RNF224: variants seen among roughly 807,000 people sequenced by gnomAD.
RNF224 encodes ring finger protein 224.
RNF224 carries 1 observed loss-of-function variant against 2.9 expected under a neutral mutation model. The ratio of observed to expected loss-of-function variants is 0.35; its 90% CI spans 0.12 to 1.66. The LOEUF is 1.66. Ranked by LOEUF, RNF224 falls within the 40% of genes most tolerant of loss-of-function variation. The pLI is 0.35. For missense variants in RNF224, 254 were observed against 221.8 expected (o/e 1.15, Z -0.92); for synonymous variants, 116 against 97.6 (o/e 1.19, Z -1.11).
At position 137,228,659 on chromosome 9, in the gene RNF224, G is replaced by GGGGGCCCCCGGAGGAGA; in HGVS notation, c.47_63dup (p.Thr22GlyfsTer69). 1 of 1,459,844 alleles carries GGGGGCCCCCGGAGGAGA rather than the reference G, an allele frequency of 6.9e-7. No homozygotes were observed. The highest frequency in any genetic ancestry group is 9.0e-7 in the Non-Finnish European group (1 of 1,106,370). The allele number at this position is 1,459,844 out of a possible 1,614,324, so 90.4% of individuals were successfully genotyped here. ...GGAGGGCCCCCAGGCCTCGGAGGAGGGGGGCCCCCGGAGGAGAGGACAGAC... is the reference window on the plus strand; with the variant it reads ...GGAGGGCCCCCAGGCCTCGGAGGAGGGGGGCCCCCGGAGGAGAGGGGCCCCCGGAGGAGAGGACAGAC... On this transcript the variant is annotated frameshift_variant, in exon 3 of 3. Transcript: ENST00000445101. LOFTEE classifies it low-confidence loss of function (END_TRUNC).
Position 137,228,219 on chromosome 9 carries a change from T to G in RNF224, c.-117T>G, listed in dbSNP as rs866706731. 12 of 1,040,172 alleles carry G rather than the reference T, an allele frequency of 1.2e-5. No individual in the cohort carries two copies. In the South Asian group the frequency reaches 1.7e-4, roughly 15 times the overall value. 64.4% of individuals were successfully genotyped at this position (1,040,172 alleles called of 1,614,324 possible). A position where few individuals can be genotyped will look rare whatever the true frequency, so the allele number is the denominator to read the frequency against. On this transcript the variant is annotated 5_prime_UTR_variant, in exon 2 of 3. Transcript: ENST00000445101. ...CGCCACAGCTGGCCACCTGCCTCTCTCCTGACTCCCGTGCAAGGCCAGTAA... is the reference window on the plus strand; with the variant it reads ...CGCCACAGCTGGCCACCTGCCTCTCGCCTGACTCCCGTGCAAGGCCAGTAA...
Position 137,228,880 on chromosome 9 carries a change from G to C in RNF224, c.265G>C (p.Ala89Pro), listed in dbSNP as rs1836050279. 7 of 1,535,760 alleles carry C rather than the reference G, an allele frequency of 4.6e-6. No homozygotes were observed. In the East Asian group the frequency reaches 1.7e-4, roughly 38 times the overall value. ...GGTGGCCATGCTAGACCTGGACCTGGCTGCTTTCCTGGCGGTCAAGGCTGA... is the reference window on the plus strand; with the variant it reads ...GGTGGCCATGCTAGACCTGGACCTGCCTGCTTTCCTGGCGGTCAAGGCTGA... ...GGVAMLDLDL[A>P]AFLAVKAERE... Residue 89 changes from alanine (A) to proline (P), a missense_variant, in exon 3 of 3, where the codon GCT becomes CCT. Coordinates refer to ENST00000445101, the MANE Select transcript of RNF224 (RefSeq NM_001190228.2).
rs1836075207 is a variant in RNF224, at chr9:137,229,445, T to TC, written c.*362dup. ...TGGCTCCCAAGAGGATGCGAAGGCG[T>TC]CCCGGGGGCCTGGGCTGCAGGCTGG... On this transcript the variant is annotated 3_prime_UTR_variant, in exon 3 of 3. Coordinates refer to ENST00000445101, the MANE Select transcript of RNF224 (RefSeq NM_001190228.2). 3.6e-6 allele frequency: 1 copy of TC among 275,094 alleles called. No individual in the cohort carries two copies. Among genetic ancestry groups the TC allele is most frequent in the South Asian group, 5.3e-5 (1 of 18,988 alleles). 17.0% of individuals were successfully genotyped at this position (275,094 alleles called of 1,614,324 possible). A position where few individuals can be genotyped will look rare whatever the true frequency, so the allele number is the denominator to read the frequency against.
In RNF224 at chr9:137,228,236, G is replaced by A. The variant is rs933202156; in HGVS notation, c.-100G>A. The A allele has an allele frequency of 2.4e-6, 3 of 1,229,042 alleles. No individual in the cohort carries two copies. The highest frequency in any genetic ancestry group is 2.1e-5 in the Admixed American group (1 of 48,202). The allele number at this position is 1,229,042 out of a possible 1,614,324, so 76.1% of individuals were successfully genotyped here. Reference sequence around the variant, plus strand: ...TGCCTCTCTCCTGACTCCCGTGCAAGGCCAGTAATGCAACCCAGGAGGGAG... The same window carrying A: ...TGCCTCTCTCCTGACTCCCGTGCAAAGCCAGTAATGCAACCCAGGAGGGAG... On this transcript the variant is annotated 5_prime_UTR_variant, in exon 2 of 3. Transcript: ENST00000445101.
At position 137,229,152 on chromosome 9, in the gene RNF224, T is replaced by G; in HGVS notation, c.*66T>G. 2.1e-6 allele frequency: 2 copies of G among 954,492 alleles called. No individual in the cohort carries two copies. The highest frequency in any genetic ancestry group is 3.1e-6 in the Non-Finnish European group (2 of 636,064). 59.1% of individuals were successfully genotyped at this position (954,492 alleles called of 1,614,324 possible). The stretch of plus-strand genomic sequence containing the variant: ...TGGAACCCCTGACCACACACCATCA[T>G]GGGTTCAGCCCACTCAGAACAACCT... On this transcript the variant is annotated 3_prime_UTR_variant, in exon 3 of 3. Transcript: ENST00000445101.
In RNF224 at chr9:137,229,014, CCCCCAGCCCAGA is replaced by C; in HGVS notation, c.400_411del (p.Pro134_Arg137del). 1 of 1,535,140 alleles carries C rather than the reference CCCCCAGCCCAGA, an allele frequency of 6.5e-7. No individual in the cohort carries two copies. The highest frequency in any genetic ancestry group is 8.7e-7 in the Non-Finnish European group (1 of 1,146,346). On this transcript the variant is annotated inframe_deletion, in exon 3 of 3. Transcript: ENST00000445101. Reference sequence around the variant, plus strand: ...CTGCCCTGGGACCCCAGCCCCACTTCCCCCAGCCCAGATACTGCTGCTGGGGCTGTGGCAGCC... The same window carrying C: ...CTGCCCTGGGACCCCAGCCCCACTTCTACTGCTGCTGGGGCTGTGGCAGCC...
In RNF224 at chr9:137,228,697, T is replaced by C. The variant is rs1332640531; in HGVS notation, c.82T>C (p.Cys28Arg). 1 of 1,515,064 alleles carries C rather than the reference T, an allele frequency of 6.6e-7. No individual in the cohort carries two copies. The highest frequency in any genetic ancestry group is 8.8e-7 in the Non-Finnish European group (1 of 1,133,634). 93.9% of individuals were successfully genotyped at this position (1,515,064 alleles called of 1,614,324 possible). The change falls in exon 3 of 3, where the codon TGC becomes CGC. Residue 28 changes from cysteine to arginine, a missense_variant. Transcript: ENST00000445101. ...PEERTDCIIC[C>R]SAYDLSGHLP... Reference sequence around the variant, plus strand: ...GGAGAGGACAGACTGCATCATCTGCTGCTCGGCCTATGACCTCTCCGGGCA... The same window carrying C: ...GGAGAGGACAGACTGCATCATCTGCCGCTCGGCCTATGACCTCTCCGGGCA...
rs939044324 is a variant in RNF224, at chr9:137,229,295, G to A, written c.*209G>A. On this transcript the variant is annotated 3_prime_UTR_variant, in exon 3 of 3. Transcript: ENST00000445101. ...CTGGGAGGCTCCGCAGGAGGCTGGTGACCTCCCACCTGTCCTGGCCACAAT... is the reference window on the plus strand; with the variant it reads ...CTGGGAGGCTCCGCAGGAGGCTGGTAACCTCCCACCTGTCCTGGCCACAAT... The A allele has an allele frequency of 1.7e-6, 1 of 589,498 alleles. No individual in the cohort carries two copies. The highest frequency in any genetic ancestry group is 3.0e-5 in the Admixed American group (1 of 33,532). The allele number at this position is 589,498 out of a possible 1,614,324, so 36.5% of individuals were successfully genotyped here.
Position 137,228,225 on chromosome 9 carries a change from C to T in RNF224, c.-111C>T, listed in dbSNP as rs908994152. The T allele has an allele frequency of 3.6e-6, 4 of 1,101,420 alleles. No individual in the cohort carries two copies. Among genetic ancestry groups the T allele is most frequent in the Middle Eastern group, 2.0e-4 (1 of 5,118 alleles). 68.2% of individuals were successfully genotyped at this position (1,101,420 alleles called of 1,614,324 possible). A position where few individuals can be genotyped will look rare whatever the true frequency, so the allele number is the denominator to read the frequency against. On this transcript the variant is annotated 5_prime_UTR_variant, in exon 2 of 3. Transcript: ENST00000445101. ...AGCTGGCCACCTGCCTCTCTCCTGA[C>T]TCCCGTGCAAGGCCAGTAATGCAAC...
chr9:137,229,635 T>G lies in RNF224; in HGVS notation c.*549T>G. On this transcript the variant is annotated 3_prime_UTR_variant, in exon 3 of 3. Transcript: ENST00000445101. Reference sequence around the variant, plus strand: ...CACCCACTCAACAAAGCTCATGGAGTTCCCACTGTGTGTCGGGTGCGGTTC... The same window carrying G: ...CACCCACTCAACAAAGCTCATGGAGGTCCCACTGTGTGTCGGGTGCGGTTC... 6.3e-6 allele frequency: 1 copy of G among 158,284 alleles called. No homozygotes were observed. The highest frequency in any genetic ancestry group is 1.4e-5 in the Non-Finnish European group (1 of 71,356). The allele number at this position is 158,284 out of a possible 1,614,324, so 9.8% of individuals were successfully genotyped here. A position where few individuals can be genotyped will look rare whatever the true frequency, so the allele number is the denominator to read the frequency against.
In RNF224 at chr9:137,228,802, C is replaced by T. The variant is rs1252343966; in HGVS notation, c.187C>T (p.Arg63Cys). ...RRLDTPAPEQ[R>C]WIPCPQCRQS... ...GCTGGACACACCGGCGCCCGAGCAG[C>T]GCTGGATCCCCTGTCCGCAGTGCCG... Residue 63 changes from arginine (R) to cysteine (C), a missense_variant, in exon 3 of 3, where the codon CGC becomes TGC. Arg to Cys is a radical substitution (Grantham distance 180). Transcript: ENST00000445101. 76 of 1,534,486 alleles carry T rather than the reference C, an allele frequency of 5.0e-5. No homozygotes were observed. Among genetic ancestry groups the T allele is most frequent in the Non-Finnish European group, 6.1e-5 (70 of 1,146,446 alleles).
rs562531003 is a variant in RNF224, at chr9:137,228,340, A to G, written c.5A>G (p.Gln2Arg). The change falls in exon 2 of 3, where the codon CAG becomes CGG. Residue 2 changes from glutamine to arginine, a missense_variant and splice_region_variant. Transcript: ENST00000445101. ...CATAGCTGCCCAGCAGAGCCCATGC[A>G]GGTAAGAGGCCTGGGCTCAGGTCGG... is the stretch of plus-strand genomic sequence containing the variant. M[Q>R]DAAAGGPPGL... 10 of 1,500,326 alleles carry G rather than the reference A, an allele frequency of 6.7e-6. No individual in the cohort carries two copies. The East Asian group carries it at 1.8e-4, about 27-fold the overall frequency. 92.9% of individuals were successfully genotyped at this position (1,500,326 alleles called of 1,614,324 possible).
Position 137,229,553 on chromosome 9 carries a change from G to C in RNF224, c.*467G>C. ...CCCACAGACGTCCCCGGGGTGTACC[G>C]GGAGGGTGGCAAGACTACCTCCTTC... On this transcript the variant is annotated 3_prime_UTR_variant, in exon 3 of 3. Coordinates refer to ENST00000445101, the MANE Select transcript of RNF224 (RefSeq NM_001190228.2). 1 of 175,214 alleles carries C rather than the reference G, an allele frequency of 5.7e-6. No homozygotes were observed. Among genetic ancestry groups the C allele is most frequent in the Admixed American group, 5.5e-5 (1 of 18,258 alleles). 10.9% of individuals were successfully genotyped at this position (175,214 alleles called of 1,614,324 possible).
At position 137,228,640 on chromosome 9, in the gene RNF224, C is replaced by G; in HGVS notation, c.25C>G (p.Pro9Ala). The G allele has an allele frequency of 1.4e-6, 2 of 1,445,078 alleles. No homozygotes were observed. The highest frequency in any genetic ancestry group is 1.4e-5 in the South Asian group (1 of 71,040). 89.5% of individuals were successfully genotyped at this position (1,445,078 alleles called of 1,614,324 possible). A position where few individuals can be genotyped will look rare whatever the true frequency, so the allele number is the denominator to read the frequency against. MQDAAAGG[P>A]PGLGGGGPPE... ...CTGGCAGGATGCTGCAGCCGGAGGG[C>G]CCCCAGGCCTCGGAGGAGGGGGGCC... The change falls in exon 3 of 3, where the codon CCC (proline) becomes GCC (alanine). Residue 9 changes from proline to alanine, a missense_variant. Coordinates refer to ENST00000445101, the MANE Select transcript of RNF224 (RefSeq NM_001190228.2).
intron 2 of RNF224, 130 bp from the exon 3 acceptor site, chr9:137,228,492 C>A: frequency 9.2e-7 from 1 of 1,086,514 alleles, no homozygotes; most frequent in Non-Finnish European, 1.3e-6. Flanking sequence ...GCCACGCTCC[C>A]TCCCAGGTCT....
Position 137,228,247 on chromosome 9 carries a change from C to G in RNF224, c.-89C>G. On this transcript the variant is annotated 5_prime_UTR_variant, in exon 2 of 3. Transcript: ENST00000445101. ...TGACTCCCGTGCAAGGCCAGTAATGCAACCCAGGAGGGAGCCGCAGGGCGC... is the reference window on the plus strand; with the variant it reads ...TGACTCCCGTGCAAGGCCAGTAATGGAACCCAGGAGGGAGCCGCAGGGCGC... The G allele has an allele frequency of 7.4e-7, 1 of 1,356,688 alleles. No homozygotes were observed. The highest frequency in any genetic ancestry group is 1.3e-5 in the South Asian group (1 of 79,810). The allele number at this position is 1,356,688 out of a possible 1,614,324, so 84.0% of individuals were successfully genotyped here. A position where few individuals can be genotyped will look rare whatever the true frequency, so the allele number is the denominator to read the frequency against.
chr9:137,228,767 G>T lies in RNF224; in HGVS notation c.152G>T (p.Cys51Phe), dbSNP rs1836043441. ...LYCGHTFCQA[C>F]VRRLDTPAPE... ...TGTGGACACACCTTCTGCCAGGCGT[G>T]TGTGCGGCGGCTGGACACACCGGCG... The change falls in exon 3 of 3, where the codon TGT becomes TTT. Residue 51 changes from cysteine to phenylalanine, a missense_variant. By Grantham distance (205) the Cys-to-Phe change is radical. Transcript: ENST00000445101. The T allele has an allele frequency of 6.5e-7, 1 of 1,532,906 alleles. No individual in the cohort carries two copies. 95.0% of individuals were successfully genotyped at this position (1,532,906 alleles called of 1,614,324 possible). A position where few individuals can be genotyped will look rare whatever the true frequency, so the allele number is the denominator to read the frequency against.
rs901682040 is a variant in RNF224, at chr9:137,227,666, C to G, written c.-380C>G. On this transcript the variant is annotated 5_prime_UTR_variant, in exon 1 of 3. Coordinates refer to ENST00000445101, the MANE Select transcript of RNF224 (RefSeq NM_001190228.2). ...GGTCCCGAGCTGGGAGCGGGGATCC[C>G]CAGACACGGAGCTGGTGCGCCACCT... The G allele has an allele frequency of 6.6e-5, 10 of 152,060 alleles. No individual in the cohort carries two copies. The East Asian group carries it at 1.7e-3, about 27-fold the overall frequency. 9.4% of individuals were successfully genotyped at this position (152,060 alleles called of 1,614,324 possible).
rs1240795706 is a variant in RNF224 at position 137,228,732 on chromosome 9, C to T, written c.117C>T (p.Arg39=). The change falls in exon 3 of 3, where the codon CGC becomes CGT. Residue 39 remains arginine (R), a synonymous_variant. Transcript: ENST00000445101. ...SAYDLSGHLP[R]RLYCGHTFCQ... ...ATGACCTCTCCGGGCACCTGCCCCGCCGCCTCTACTGTGGACACACCTTCT... is the reference window on the plus strand; with the variant it reads ...ATGACCTCTCCGGGCACCTGCCCCGTCGCCTCTACTGTGGACACACCTTCT... 4 of 1,530,418 alleles carry T rather than the reference C, an allele frequency of 2.6e-6. No individual in the cohort carries two copies. The highest frequency in any genetic ancestry group is 2.0e-5 in the Admixed American group (1 of 50,808). 94.8% of individuals were successfully genotyped at this position (1,530,418 alleles called of 1,614,324 possible).
Sources: allele counts gnomAD v4.1 joint callset, GRCh38; gene constraint gnomAD v4.1.1; transcripts MANE v1.5; gene names NCBI Gene and HGNC (gene_info 2026-07-23, HGNC 2026-07-21).